Variants in CBLN2 observed in about 807,000 individuals in gnomAD.
CBLN2 encodes the protein cerebellin 2 precursor, also known as cerebellin-2.
A neutral mutation model predicts 15.0 loss-of-function variants in CBLN2; 7 were observed. The observed-to-expected ratio is 0.47, with a 90% confidence interval of 0.27 to 0.88. The LOEUF (loss-of-function observed/expected upper bound fraction) is 0.88, where lower values mean the gene tolerates loss of function less well. Among genes scored for constraint, CBLN2 ranks in the 40% least tolerant of loss-of-function variants. The pLI, the probability that CBLN2 is intolerant of heterozygous loss-of-function variation, is 0.14. For missense variants in CBLN2, 242 were observed against 304.5 expected, an observed-to-expected ratio of 0.79 and a Z score of 1.53; for synonymous variants, 149 against 135.2, an observed-to-expected ratio of 1.10 and a Z score of -0.71.
intron 1 of CBLN2, among the ~76,000 whole-genome samples, chr18:72,613,035 T>G (rs1033850779): frequency 2.0e-5 from 3 of 152,208 alleles, no homozygotes; most frequent in African/African-American, 7.2e-5. Flanking sequence ...AGCTCCTTGT[T>G]TTGGGGAAGC....
chr18:72,617,555 C>A (rs1568133289), intron 1 of CBLN2, among the ~76,000 whole-genome samples: 1 of 152,118 alleles, frequency 6.6e-6, no homozygotes, highest in Non-Finnish European at 1.5e-5. Flanking sequence ...AAACATTAAA[C>A]CTTTAATTAC....
chr18:72,631,136 G>A (rs1278807188), intron 1 of CBLN2: 2 of 152,168 alleles, frequency 1.3e-5, no homozygotes, highest in Non-Finnish European at 2.9e-5. Context: ...AACTTTTTTA[G>A]TAAAGAGACT....
intron 1 of CBLN2, among the ~76,000 whole-genome samples, chr18:72,626,625 A>G (rs933871140): frequency 3.3e-5 from 5 of 152,084 alleles, no homozygotes; most frequent in Non-Finnish European, 5.9e-5. Context: ...GCTTGAACCC[A>G]GGAGACAGAG....
intron 1 of CBLN2, among the ~76,000 whole-genome samples, chr18:72,633,334 A>G (rs1402058071): frequency 1.3e-5 from 2 of 152,138 alleles, no homozygotes; most frequent in East Asian, 1.9e-4. Flanking sequence ...TTTCTCCTCC[A>G]CTGTGCTATG....
chr18:72,593,401 GT>G (rs1336233955), intron 1 of CBLN2, among the ~76,000 whole-genome samples: 1 of 152,036 alleles, frequency 6.6e-6, no homozygotes, highest in Non-Finnish European at 1.5e-5. Context: ...TTCTAACAGG[GT>G]TTTTTGGTGA....
rs146345707 is a variant in CBLN2, at chr18:72,598,618, T to G, written c.15+39707A>C. ...ACTGGCTTTGAGCCCAGTTCAGCAC[T>G]AGGACTCATCTAGGAGTTGTAGTCC... On this transcript the variant is annotated intron_variant, in intron 1 of 2. Transcript: ENST00000581073. 2.2e-3 allele frequency among the ~76,000 whole-genome samples: 338 copies of G among 152,344 alleles called. 3 individuals carry two copies. Among genetic ancestry groups the G allele is most frequent in the South Asian group, 0.014 (69 of 4,830 alleles).
intron 1 of CBLN2, among the ~76,000 whole-genome samples, chr18:72,571,800 G>C (rs559435282): frequency 6.6e-6 from 1 of 152,296 alleles, no homozygotes; most frequent in South Asian, 2.1e-4. Flanking sequence ...ATATATGAAA[G>C]CTGTGTCAGA....
In CBLN2 at chr18:72,541,988, A is replaced by G; in HGVS notation, c.173T>C (p.Ile58Thr). ...CACCAGGCACTTGCCCTCCAGCACG[A>G]TGGGCTCCGTGTCGTTCTGCGCCCG... The part of the protein sequence containing the change: ...PVRAQNDTEP[I>T]VLEGKCLVVC... Residue 58 changes from isoleucine to threonine, a missense_variant, in exon 3 of 5, where the codon ATC becomes ACC. By Grantham distance (89) the Ile-to-Thr change is moderately conservative. Coordinates refer to ENST00000269503, the MANE Select transcript of CBLN2 (RefSeq NM_182511.4). 2 of 1,605,428 alleles carry G rather than the reference A, an allele frequency of 1.2e-6. No homozygotes were observed. The highest frequency in any genetic ancestry group is 1.7e-6 in the Non-Finnish European group (2 of 1,179,430).
At chr18:72,591,963 C>T (rs577530864) in intron 1 of CBLN2, among the ~76,000 whole-genome samples, 8 of 152,186 alleles carry the variant, frequency 5.3e-5, no homozygotes, top group South Asian at 2.1e-4. Flanking sequence ...TAAACATAGG[C>T]GTATAGATAT....
rs193146218 is a variant in CBLN2 at position 72,565,365 on chromosome 18, A to G, written c.16-26593T>C. On this transcript the variant is annotated intron_variant, in intron 1 of 2. Transcript: ENST00000581073. ...GTAATACCACCATTATAGTATTTCT[A>G]GTATAAATATTTCTAGTATGAAGGT... is the stretch of plus-strand genomic sequence containing the variant. Among the ~76,000 whole-genome samples, 150 of 152,234 alleles carry G rather than the reference A, an allele frequency of 9.9e-4. 1 individual carries two copies. Among genetic ancestry groups the G allele is most frequent in the Admixed American group, 3.9e-3 (60 of 15,286 alleles).
chr18:72,546,930 T>A (rs1010386232), upstream of CBLN2, among the ~76,000 whole-genome samples: 2 of 152,198 alleles, frequency 1.3e-5, no homozygotes, highest in Non-Finnish European at 1.5e-5. Context: ...ATCTTCAGCG[T>A]GCATTATAGA....
At chr18:72,541,666 G>C in intron 3 of CBLN2, 138 bp downstream of exon 3, 2 of 643,148 alleles carry the variant, frequency 3.1e-6, no homozygotes, top group Non-Finnish European at 5.0e-6. Context: ...TGAAACGGGA[G>C]GAAAGAGACT....
chr18:72,586,516 T>C (rs1335458112), intron 1 of CBLN2, among the ~76,000 whole-genome samples: 1 of 152,202 alleles, frequency 6.6e-6, no homozygotes, highest in South Asian at 2.1e-4. Flanking sequence ...GGGCTAGTTT[T>C]CTCAAAGAAT....
At chr18:72,633,443 A>G (rs2069790392) in intron 1 of CBLN2, among the ~76,000 whole-genome samples, 1 of 152,210 alleles carries the variant, frequency 6.6e-6, no homozygotes. Context: ...TTGAATACAA[A>G]AACACAGTAG....
chr18:72,632,576 A>C (rs2144980991), intron 1 of CBLN2, among the ~76,000 whole-genome samples: 1 of 152,264 alleles, frequency 6.6e-6, no homozygotes, highest in African/African-American at 2.4e-5. Flanking sequence ...TGTGGCCATG[A>C]CTGTCTTCTT....
chr18:72,567,266 G>T (rs1428770897), intron 1 of CBLN2, among the ~76,000 whole-genome samples: 1 of 152,110 alleles, frequency 6.6e-6, no homozygotes, highest in Non-Finnish European at 1.5e-5. Context: ...ATAATAAGAA[G>T]AACTAAACTA....
At chr18:72,549,377 A>G (rs1329018860) in intron 1 of CBLN2, among the ~76,000 whole-genome samples, 2 of 152,252 alleles carry the variant, frequency 1.3e-5, no homozygotes, top group Non-Finnish European at 2.9e-5. Context: ...TTGAGTAGCA[A>G]AGATCTATTT....
chr18:72,619,617 T>C (rs550925379), intron 1 of CBLN2, among the ~76,000 whole-genome samples: 11 of 152,330 alleles, frequency 7.2e-5, no homozygotes, highest in African/African-American at 2.6e-4. Flanking sequence ...TAAGATTCCA[T>C]CTTACCAGAG....
Position 72,537,837 on chromosome 18 carries a change from G to T in CBLN2, c.*339C>A. On this transcript the variant is annotated 3_prime_UTR_variant, in exon 5 of 5. Coordinates refer to ENST00000269503, the MANE Select transcript of CBLN2 (RefSeq NM_182511.4). ...TCAGGAGCTCTCCTTCCGTTGGGAC[G>T]ACAATACAACATACAAACAAAAGAG... is the stretch of plus-strand genomic sequence containing the variant. The T allele has an allele frequency of 3.0e-6, 1 of 328,312 alleles. No homozygotes were observed. Among genetic ancestry groups the T allele is most frequent in the Non-Finnish European group, 5.8e-6 (1 of 173,060 alleles). 20.3% of individuals were successfully genotyped at this position (328,312 alleles called of 1,614,324 possible). A position where few individuals can be genotyped will look rare whatever the true frequency, so the allele number is the denominator to read the frequency against.
Sources: allele counts gnomAD v4.1 joint callset (sites outside exome capture counted in the v4.1 genomes callset), GRCh38; gene constraint gnomAD v4.1.1; transcripts MANE v1.5; gene names NCBI Gene and HGNC (gene_info 2026-07-23, HGNC 2026-07-21).